SULF1: variants seen among roughly 807,000 people sequenced by gnomAD.
SULF1 encodes the protein extracellular sulfatase Sulf-1.
Under a neutral mutation model 110.5 loss-of-function variants are expected in SULF1, and 46 were observed. The ratio of observed to expected loss-of-function variants is 0.42; its 90% confidence interval spans 0.33 to 0.53. The LOEUF is 0.53. Among genes scored for constraint, SULF1 ranks in the 20% least tolerant of loss-of-function variants. The pLI, the probability that SULF1 is intolerant of heterozygous loss-of-function variation, is 0.12. For synonymous variants in SULF1, 371 were observed against 387.1 expected, an observed-to-expected ratio of 0.96 and a Z score of 0.49; for missense variants, 941 against 1,094.2, an observed-to-expected ratio of 0.86 and a Z score of 1.98.
At chr8:69,612,218 A>G (rs1356428075) in intron 13 of SULF1, among the ~76,000 whole-genome samples, 1 of 152,170 alleles carries the variant, frequency 6.6e-6, no homozygotes, top group Admixed American at 6.5e-5. Flanking sequence ...TCCATGGTGT[A>G]TATATACCAC....
rs547478722 is a variant in SULF1, at chr8:69,658,694, G to C, written c.*159G>C. ...GATAGAGTATTTGCACTGCTGAAGA[G>C]TCACTATGAGCAAAATAAAACAAAT... is the stretch of plus-strand genomic sequence containing the variant. On this transcript the variant is annotated 3_prime_UTR_variant, in exon 23 of 23. Coordinates refer to ENST00000402687, the MANE Select transcript of SULF1 (RefSeq NM_001128205.2). 1.4e-6 allele frequency: 1 copy of C among 715,526 alleles called. No homozygotes were observed. Among genetic ancestry groups the C allele is most frequent in the African/African-American group, 1.7e-5 (1 of 57,608 alleles). 44.3% of individuals were successfully genotyped at this position (715,526 alleles called of 1,614,324 possible).
upstream of SULF1, among the ~76,000 whole-genome samples, chr8:69,492,544 T>G (rs1281648713): frequency 6.6e-6 from 1 of 152,178 alleles, no homozygotes; most frequent in Non-Finnish European, 1.5e-5. Flanking sequence ...AGCTACTGTG[T>G]CGGGTGCTCA....
At chr8:69,507,677 A>G (rs1053572647) in intron 3 of SULF1, among the ~76,000 whole-genome samples, 10 of 152,340 alleles carry the variant, frequency 6.6e-5, no homozygotes, top group African/African-American at 2.4e-4. Flanking sequence ...TAATAGGAGA[A>G]TTGAAGTACT....
intron 18 of SULF1, 124 bp from the exon 19 acceptor site, chr8:69,629,380 G>A: frequency 1.0e-6 from 1 of 994,066 alleles, no homozygotes. Context: ...TATACAAAAT[G>A]AAGGTCGTCC....
In SULF1 at chr8:69,495,814, A is replaced by G. The variant is rs1810309094; in HGVS notation, c.-341A>G. On this transcript the variant is annotated 5_prime_UTR_variant, in exon 2 of 23. Coordinates refer to ENST00000402687, the MANE Select transcript of SULF1 (RefSeq NM_001128205.2). ...GGAACTCACTCAGAGACTAACACAAAGGAAGTAATTTCTTACCTGGTCATT... is the reference window on the plus strand; with the variant it reads ...GGAACTCACTCAGAGACTAACACAAGGGAAGTAATTTCTTACCTGGTCATT... The G allele has an allele frequency of 6.6e-6, 1 of 152,248 alleles. No homozygotes were observed. Among genetic ancestry groups the G allele is most frequent in the Non-Finnish European group, 1.5e-5 (1 of 68,034 alleles). The allele number at this position is 152,248 out of a possible 1,614,324, so 9.4% of individuals were successfully genotyped here. A position where few individuals can be genotyped will look rare whatever the true frequency, so the allele number is the denominator to read the frequency against.
At chr8:69,581,751 C>T (rs1339074094) in intron 6 of SULF1, among the ~76,000 whole-genome samples, 1 of 152,094 alleles carries the variant, frequency 6.6e-6, no homozygotes, top group Non-Finnish European at 1.5e-5. Context: ...GCCAGATAAT[C>T]AATTGCAGAG....
intron 6 of SULF1, among the ~76,000 whole-genome samples, chr8:69,581,797 G>A (rs543242386): frequency 2.0e-5 from 3 of 152,150 alleles, no homozygotes. Context: ...AGAGGCCGGG[G>A]TGATTACAAA....
At chr8:69,547,755 G>T (rs1306131336) in intron 3 of SULF1, among the ~76,000 whole-genome samples, 3 of 152,114 alleles carry the variant, frequency 2.0e-5, no homozygotes, top group Non-Finnish European at 2.9e-5. Flanking sequence ...CCATTCAAAG[G>T]CAGGACTCTT....
chr8:69,499,844 G>T (rs1217315054), intron 2 of SULF1, among the ~76,000 whole-genome samples: 3 of 152,006 alleles, frequency 2.0e-5, no homozygotes, highest in Non-Finnish European at 2.9e-5. Context: ...CAAACACCTG[G>T]GCTCAAGTAA....
intron 3 of SULF1, among the ~76,000 whole-genome samples, chr8:69,525,106 A>G (rs1812568963): frequency 6.6e-6 from 1 of 152,216 alleles, no homozygotes; most frequent in South Asian, 2.1e-4. Flanking sequence ...AAAGTAATTC[A>G]TAGTATTTAT....
chr8:69,510,983 C>T (rs1363738931), intron 3 of SULF1, among the ~76,000 whole-genome samples: 1 of 136,042 alleles, frequency 7.4e-6, no homozygotes, highest in African/African-American at 2.7e-5. Flanking sequence ...CACACACACA[C>T]ACATATTGTC....
chr8:69,576,425 A>G (rs532729205), intron 6 of SULF1, among the ~76,000 whole-genome samples: 45 of 152,364 alleles, frequency 3.0e-4, no homozygotes, highest in African/African-American at 1.1e-3. Context: ...GGGTAAATCA[A>G]TCATGTGTAC....
At chr8:69,598,989 T>C (rs1019638456) in intron 8 of SULF1, among the ~76,000 whole-genome samples, 1 of 152,174 alleles carries the variant, frequency 6.6e-6, no homozygotes, top group African/African-American at 2.4e-5. Context: ...AGAGAGGTTC[T>C]GCAAATCCAC....
rs182282480 is a variant in SULF1 at position 69,508,263 on chromosome 8, G to A, written c.-134+6295G>A. ...TGGGATTATAGGCATGCGCCACCACGCCCAGCTAATTTTGTATTTTTGGTA... is the reference window on the plus strand; with the variant it reads ...TGGGATTATAGGCATGCGCCACCACACCCAGCTAATTTTGTATTTTTGGTA... On this transcript the variant is annotated intron_variant, in intron 3 of 22. Coordinates refer to ENST00000402687, the MANE Select transcript of SULF1 (RefSeq NM_001128205.2). 1.2e-4 allele frequency among the ~76,000 whole-genome samples: 18 copies of A among 152,102 alleles called. No homozygotes were observed. The East Asian group carries it at 1.9e-3, about 16-fold the overall frequency.
upstream of SULF1, among the ~76,000 whole-genome samples, chr8:69,490,102 C>CTTT (rs59483735): frequency 2.6e-5 from 3 of 117,174 alleles, no homozygotes; most frequent in African/African-American, 3.3e-5. Context: ...CCATACTTTT[C>CTTT]TTTTTTTTTT....
intron 8 of SULF1, among the ~76,000 whole-genome samples, chr8:69,593,617 G>A (rs538407440): frequency 2.6e-4 from 40 of 152,240 alleles, no homozygotes; most frequent in Admixed American, 2.5e-3. Context: ...CTTTACAAAC[G>A]GATGGTAGAG....
intron 2 of SULF1, among the ~76,000 whole-genome samples, chr8:69,496,266 T>C (rs66819805): frequency 0.2 from 29,913 of 152,238 alleles, 3,145 homozygotes; most frequent in African/African-American, 0.23. Context: ...ACGTGAACTG[T>C]ATCAACACAT....
chr8:69,627,030 G>A (rs1451143772), intron 15 of SULF1, among the ~76,000 whole-genome samples, 180 bp from the exon 16 acceptor site: 1 of 152,156 alleles, frequency 6.6e-6, no homozygotes. Flanking sequence ...ACGCTGTCAC[G>A]ACTGCCAGCA....
At chr8:69,640,533 C>A in intron 21 of SULF1, among the ~76,000 whole-genome samples, 1 of 152,316 alleles carries the variant, frequency 6.6e-6, no homozygotes, top group Admixed American at 6.5e-5. Context: ...AAGTACTTTT[C>A]CCACTGCTTT....
Sources: gnomAD v4.1 joint callset for allele counts (sites outside exome capture counted in the v4.1 genomes callset) on GRCh38, gnomAD v4.1.1 for gene constraint, MANE v1.5 for transcripts, NCBI Gene and HGNC (gene_info 2026-07-23, HGNC 2026-07-21) for gene names.